Variants in GSE1 observed in about 807,000 individuals in gnomAD.
GSE1 encodes Gse1 coiled-coil protein.
A neutral mutation model predicts 112.6 loss-of-function variants in GSE1; 32 were observed. That is an observed-to-expected ratio of 0.28 (90% CI 0.21 to 0.38). The LOEUF (loss-of-function observed/expected upper bound fraction) is 0.38. Among genes scored for constraint, GSE1 ranks in the 10% least tolerant of loss-of-function variants. The pLI is 1.00. For synonymous variants in GSE1, 1,115 were observed against 735.6 expected (o/e 1.52, Z -8.35); for missense variants, 2,348 against 1,699.2 (o/e 1.38, Z -6.71).
chr16:85,472,711 C>A (rs2050333470), intron 2 of GSE1, among the ~76,000 whole-genome samples: 1 of 152,242 alleles, frequency 6.6e-6, no homozygotes, highest in South Asian at 2.1e-4. Context: ...GTCTGCGGCT[C>A]TGTCTGCTTC....
At chr16:85,453,921 C>T (rs1053393552) in intron 2 of GSE1, among the ~76,000 whole-genome samples, 1 of 152,170 alleles carries the variant, frequency 6.6e-6, no homozygotes, top group Non-Finnish European at 1.5e-5. Context: ...GGCCCCAGGC[C>T]ACCTGCACAC....
chr16:85,384,781 T>C (rs2047648170), intron 2 of GSE1, among the ~76,000 whole-genome samples: 2 of 151,876 alleles, frequency 1.3e-5, no homozygotes, highest in Admixed American at 1.3e-4. Context: ...GATGGAGGCG[T>C]GGAGGACTGG....
intron 1 of GSE1, among the ~76,000 whole-genome samples, chr16:85,321,792 T>TA (rs796199363): frequency 7.1e-4 from 97 of 135,918 alleles, no homozygotes; most frequent in Middle Eastern, 8.1e-3. Flanking sequence ...GAGCCTGTCT[T>TA]AAAAAAAAAA....
rs2052399652 is a variant in GSE1, at chr16:85,661,198, G to C, written c.1693G>C (p.Gly565Arg). The C allele has an allele frequency of 1.9e-6, 3 of 1,605,578 alleles. No homozygotes were observed. The highest frequency in any genetic ancestry group is 1.3e-5 in the African/African-American group (1 of 74,770). The change falls in exon 9 of 16, where the codon GGG (glycine) becomes CGG (arginine). Residue 565 changes from glycine (G) to arginine (R), a missense_variant. Coordinates refer to ENST00000253458, the MANE Select transcript of GSE1 (RefSeq NM_014615.5). Reference protein sequence around the residue: ...PGGRDPPQHFGGPPPLISPKP... With the variant: ...PGGRDPPQHFRGPPPLISPKP... ...TGGCCGTGACCCTCCGCAGCACTTTGGGGGGCCACCACCTCTGATTTCGCC... is the reference window on the plus strand; with the variant it reads ...TGGCCGTGACCCTCCGCAGCACTTTCGGGGGCCACCACCTCTGATTTCGCC...
chr16:85,572,060 CCATA>C lies in GSE1; in HGVS notation c.37+15700_37+15703del, dbSNP rs937727996. Among the ~76,000 whole-genome samples the C allele has an allele frequency of 6.6e-5, 10 of 151,106 alleles. No homozygotes were observed. The East Asian group carries it at 1.9e-3, about 29-fold the overall frequency. Reference sequence around the variant, plus strand: ...ACACACGTACAACACATACCACACACCATACACACAACCACACCCCCCCACACCC... The same window carrying C: ...ACACACGTACAACACATACCACACACCACACAACCACACCCCCCCACACCC... On this transcript the variant is annotated intron_variant, in intron 1 of 2. Transcript: ENST00000635906.
intron 1 of GSE1, among the ~76,000 whole-genome samples, chr16:85,301,597 G>C (rs1010938023): frequency 2.0e-5 from 3 of 152,246 alleles, no homozygotes; most frequent in African/African-American, 7.2e-5. Flanking sequence ...TCTCCCTGCA[G>C]GGTTGATTTT....
intron 2 of GSE1, among the ~76,000 whole-genome samples, chr16:85,536,791 G>A (rs1234779844): frequency 6.6e-6 from 1 of 152,216 alleles, no homozygotes; most frequent in Non-Finnish European, 1.5e-5. Flanking sequence ...CCTGGGATGG[G>A]CCAGGTGTGG....
chr16:85,557,367 G>C (rs1224827218), intron 1 of GSE1, among the ~76,000 whole-genome samples: 1 of 152,072 alleles, frequency 6.6e-6, no homozygotes, highest in Non-Finnish European at 1.5e-5. Context: ...GATCTCCCTT[G>C]AGCTTTGACA....
intron 2 of GSE1, among the ~76,000 whole-genome samples, chr16:85,642,739 G>A (rs1389697393): frequency 1.3e-5 from 2 of 152,238 alleles, no homozygotes; most frequent in African/African-American, 2.4e-5. Context: ...CAGTTGCAGC[G>A]GGGCCGGGCC....
At chr16:85,625,705 G>T (rs2049022475) in intron 1 of GSE1, among the ~76,000 whole-genome samples, 2 of 152,176 alleles carry the variant, frequency 1.3e-5, no homozygotes, top group African/African-American at 4.8e-5. Context: ...TTCACAGCAG[G>T]ACTGCAGCTT....
At chr16:85,282,569 C>G (rs2044888691) in intron 1 of GSE1, among the ~76,000 whole-genome samples, 2 of 152,198 alleles carry the variant, frequency 1.3e-5, no homozygotes, top group Admixed American at 6.5e-5. Context: ...GTTCAGGCAT[C>G]CTGGACTGTT....
chr16:85,336,498 A>G (rs895831439), intron 1 of GSE1, among the ~76,000 whole-genome samples: 1 of 152,214 alleles, frequency 6.6e-6, no homozygotes, highest in Non-Finnish European at 1.5e-5. Flanking sequence ...CTCGGGTAGG[A>G]CACTGGTGGC....
rs758330061 is a variant in GSE1 at position 85,668,249 on chromosome 16, T to C, written c.3240T>C (p.Asn1080=). The C allele has an allele frequency of 6.2e-7, 1 of 1,610,980 alleles. No homozygotes were observed. Among genetic ancestry groups the C allele is most frequent in the East Asian group, 2.2e-5 (1 of 44,852 alleles). ...GCCGCGCCCCTCCACCCCAGCACAATGGGCAGCAGGAGCCCCCCACTGCAA... is the reference window on the plus strand; with the variant it reads ...GCCGCGCCCCTCCACCCCAGCACAACGGGCAGCAGGAGCCCCCCACTGCAA... ...SSSRAPPPQH[N]GQQEPPTARK... is the part of the protein sequence containing the mutation. Residue 1080 remains asparagine (N), a synonymous_variant, in exon 14 of 16, where the codon AAT becomes AAC. Transcript: ENST00000253458.
At chr16:85,390,721 G>A (rs1470660747) in intron 2 of GSE1, among the ~76,000 whole-genome samples, 18 of 4,298 alleles carry the variant, frequency 4.2e-3, no homozygotes, top group South Asian at 8.6e-3. Flanking sequence ...ACCCCTCCCC[G>A]CCACCGCCCA....
chr16:85,322,310 A>G (rs565477690), intron 1 of GSE1, among the ~76,000 whole-genome samples: 1 of 152,026 alleles, frequency 6.6e-6, no homozygotes, highest in African/African-American at 2.4e-5. Context: ...GCGGGGGGGA[A>G]GGTGGCAGTG....
chr16:85,344,648 G>A (rs1441474412), intron 1 of GSE1, among the ~76,000 whole-genome samples: 3 of 152,232 alleles, frequency 2.0e-5, no homozygotes, highest in Admixed American at 2.0e-4. Context: ...CCAGGAGGCT[G>A]GCACTGTCAC....
Position 85,560,128 on chromosome 16 carries a change from C to CTTTTTTTTTT in GSE1, c.37+3778_37+3787dup, listed in dbSNP as rs377241566. Among the ~76,000 whole-genome samples the CTTTTTTTTTT allele has an allele frequency of 4.9e-3, 490 of 99,120 alleles. 1 individual carries two copies. Among genetic ancestry groups the CTTTTTTTTTT allele is most frequent in the Middle Eastern group, 7.5e-3 (1 of 134 alleles). The allele number at this position is 99,120 out of a possible 152,430, so 65.0% of individuals were successfully genotyped here. On this transcript the variant is annotated intron_variant, in intron 1 of 2. Transcript: ENST00000635906. The stretch of plus-strand genomic sequence containing the variant: ...CACAGAGCTTTTTTTTCTTCTTCTT[C>CTTTTTTTTTT]TTTTTTTTTTTTTTTTTTTTTTATG...
At chr16:85,656,011 T>C in intron 6 of GSE1, 94 bp downstream of exon 6, 1 of 990,590 alleles carries the variant, frequency 1.0e-6, no homozygotes, top group Non-Finnish European at 1.5e-6. Context: ...ACTGGACTCC[T>C]TGGCCATGCC....
intron 1 of GSE1, among the ~76,000 whole-genome samples, chr16:85,256,619 C>A (rs1339250613): frequency 5.9e-5 from 9 of 152,250 alleles, no homozygotes; most frequent in African/African-American, 1.9e-4. Context: ...ATCCGGGACC[C>A]CGGATTCCAC....
Sources: allele counts gnomAD v4.1 joint callset (sites outside exome capture counted in the v4.1 genomes callset), GRCh38; gene constraint gnomAD v4.1.1; transcripts MANE v1.5; gene names NCBI Gene and HGNC (gene_info 2026-07-23, HGNC 2026-07-21).